The following CUX1 variants were observed in gnomAD, a reference collection of about 807,000 sequenced individuals.
CUX1 encodes cut like homeobox 1, also known as protein CASP.
In CUX1, 31 loss-of-function variants were observed where a neutral mutation model predicts 158.8. That is an observed-to-expected ratio of 0.20 (90% CI 0.15 to 0.26). CUX1 has a LOEUF of 0.26. Among genes scored for constraint, CUX1 ranks in the 10% least tolerant of loss-of-function variants. The probability of loss-of-function intolerance (pLI) is 1.00; values close to 1 mark genes in which losing one functional copy is unlikely to be tolerated. For synonymous variants in CUX1, 879 were observed against 862.1 expected (o/e 1.02, Z -0.34); for missense variants, 1,589 against 2,014.6 (o/e 0.79, Z 4.04).
chr7:101,875,878 A>C (rs568830021), intron 1 of CUX1, among the ~76,000 whole-genome samples: 6 of 152,240 alleles, frequency 3.9e-5, no homozygotes, highest in African/African-American at 1.4e-4. Flanking sequence ...ATTTTTACAA[A>C]GCAAAAAATG....
chr7:102,213,713 A>G (rs768360848), intron 20 of CUX1, among the ~76,000 whole-genome samples: 4 of 152,248 alleles, frequency 2.6e-5, no homozygotes, highest in Non-Finnish European at 5.9e-5. Flanking sequence ...TAGGGAAGGA[A>G]TGAAGAAGCT....
intron 1 of CUX1, among the ~76,000 whole-genome samples, chr7:101,895,915 T>TTTG (rs1562975251): frequency 1.1e-5 from 1 of 90,502 alleles, no homozygotes; most frequent in African/African-American, 4.5e-5. Flanking sequence ...TTTGTTTTTT[T>TTTG]TTTTTTTTTT....
At chr7:102,174,087 T>G (rs1267783796) in intron 10 of CUX1, among the ~76,000 whole-genome samples, 2 of 152,116 alleles carry the variant, frequency 1.3e-5, no homozygotes, top group South Asian at 2.1e-4. Context: ...GGCCCAAGTT[T>G]GCAGCCATGC....
chr7:102,130,110 T>C (rs1833054741), intron 8 of CUX1, among the ~76,000 whole-genome samples: 1 of 152,184 alleles, frequency 6.6e-6, no homozygotes, highest in Non-Finnish European at 1.5e-5. Flanking sequence ...ATGTCTCCAA[T>C]TGCCAGAAAG....
At chr7:102,162,310 G>T (rs1434672045) in intron 9 of CUX1, among the ~76,000 whole-genome samples, 13 of 152,190 alleles carry the variant, frequency 8.5e-5, no homozygotes, top group Non-Finnish European at 1.9e-4. Context: ...GTCTTGCTCT[G>T]TTGCCCAGGC....
chr7:102,224,980 C>G (rs547354332), intron 20 of CUX1, among the ~76,000 whole-genome samples: 2 of 152,196 alleles, frequency 1.3e-5, no homozygotes, highest in Non-Finnish European at 2.9e-5. Context: ...GCCGGCCCCT[C>G]GCATGGGTGA....
intron 4 of CUX1, among the ~76,000 whole-genome samples, chr7:102,074,491 T>C (rs995066110): frequency 6.6e-6 from 1 of 152,236 alleles, no homozygotes; most frequent in African/African-American, 2.4e-5. Flanking sequence ...GTTGCTTATC[T>C]CTGGGTCTCA....
intron 6 of CUX1, among the ~76,000 whole-genome samples, chr7:102,110,732 AT>A (rs1830802078): frequency 6.6e-6 from 1 of 152,198 alleles, no homozygotes; most frequent in Non-Finnish European, 1.5e-5. Context: ...TATGTTACAT[AT>A]TCATATTTTG....
intron 1 of CUX1, among the ~76,000 whole-genome samples, chr7:101,851,003 G>C (rs979522840): frequency 1.3e-5 from 2 of 152,116 alleles, no homozygotes; most frequent in African/African-American, 2.4e-5. Context: ...CAGCTACATG[G>C]GTAGCTGGGG....
chr7:102,265,225 G>A (rs902020446), intron 14 of CUX1, among the ~76,000 whole-genome samples: 6 of 151,868 alleles, frequency 4.0e-5, no homozygotes, highest in Non-Finnish European at 7.4e-5. Context: ...GCATGGTAGC[G>A]GGCGCCTGTA....
intron 9 of CUX1, among the ~76,000 whole-genome samples, chr7:102,165,024 G>A (rs1347295640): frequency 2.6e-5 from 4 of 152,166 alleles, no homozygotes; most frequent in Middle Eastern, 6.3e-3. Context: ...CCTTAAAGGG[G>A]AGACGGTGAG....
chr7:102,010,399 A>C (rs890711335), intron 2 of CUX1, among the ~76,000 whole-genome samples: 1 of 150,014 alleles, frequency 6.7e-6, no homozygotes, highest in African/African-American at 2.4e-5. Context: ...TCTGTCTCAA[A>C]AAAAAAAAAA....
intron 1 of CUX1, among the ~76,000 whole-genome samples, chr7:101,825,311 T>A (rs1390543330): frequency 1.3e-5 from 2 of 152,214 alleles, no homozygotes; most frequent in African/African-American, 4.8e-5. Context: ...CAGAATTGCT[T>A]TATTTCAGCC....
intron 3 of CUX1, among the ~76,000 whole-genome samples, chr7:102,049,610 C>T (rs1420279468): frequency 1.3e-5 from 2 of 151,984 alleles, no homozygotes; most frequent in Non-Finnish European, 2.9e-5. Context: ...GAGGCCGAGG[C>T]AGGAGGATCA....
chr7:101,973,095 G>A (rs1812176843), intron 2 of CUX1, among the ~76,000 whole-genome samples: 1 of 152,186 alleles, frequency 6.6e-6, no homozygotes, highest in Non-Finnish European at 1.5e-5. Flanking sequence ...CAGGAGAGAA[G>A]AATCAAGTCC....
chr7:101,872,823 A>G (rs1403707893), intron 1 of CUX1, among the ~76,000 whole-genome samples: 3 of 152,098 alleles, frequency 2.0e-5, no homozygotes, highest in African/African-American at 4.8e-5. Flanking sequence ...AGTTTTTACA[A>G]TGTACCATTT....
intron 2 of CUX1, among the ~76,000 whole-genome samples, chr7:102,018,870 G>C (rs1256869527): frequency 6.6e-6 from 1 of 152,106 alleles, no homozygotes; most frequent in South Asian, 2.1e-4. Flanking sequence ...ATCACACATC[G>C]CAGGCATCTG....
intron 2 of CUX1, among the ~76,000 whole-genome samples, chr7:101,983,552 A>G (rs1175603646): frequency 6.6e-6 from 1 of 152,224 alleles, no homozygotes. Context: ...TTTATGAAGA[A>G]AAGAGGTTTA....
At chr7:101,831,026 A>G (rs1793932081) in intron 1 of CUX1, among the ~76,000 whole-genome samples, 1 of 152,124 alleles carries the variant, frequency 6.6e-6, no homozygotes, top group Non-Finnish European at 1.5e-5. Flanking sequence ...TGGGTTACCC[A>G]AAGAAATATA....
Sources: allele counts gnomAD v4.1 joint callset (sites outside exome capture counted in the v4.1 genomes callset), GRCh38; gene constraint gnomAD v4.1.1; transcripts MANE v1.5; gene names NCBI Gene and HGNC (gene_info 2026-07-23, HGNC 2026-07-21).